TMEM131: variants seen among roughly 807,000 people sequenced by gnomAD.
The protein encoded by TMEM131 is 2610524E03Rik.
In TMEM131, 66 loss-of-function variants were observed where a neutral mutation model predicts 211.6. That is an observed-to-expected ratio of 0.31 (90% confidence interval 0.26 to 0.38). TMEM131 has a LOEUF of 0.38. TMEM131 is among the 10% of genes least tolerant of loss of function. The pLI, the probability that TMEM131 is intolerant of heterozygous loss-of-function variation, is 1.00. For missense variants in TMEM131, 2,036 were observed against 2,299.3 expected (o/e 0.89, Z 2.34); for synonymous variants, 844 against 841.3 (o/e 1.00, Z -0.06).
At chr2:97,941,003 C>A (rs537748834) in intron 1 of TMEM131, among the ~76,000 whole-genome samples, 1 of 152,192 alleles carries the variant, frequency 6.6e-6, no homozygotes, top group African/African-American at 2.4e-5. Flanking sequence ...CAAAAAAGAA[C>A]CCACATTGCC....
At chr2:97,833,224 C>T in intron 11 of TMEM131, 141 bp downstream of exon 11, 1 of 515,114 alleles carries the variant, frequency 1.9e-6, no homozygotes, top group Non-Finnish European at 3.5e-6. Flanking sequence ...AGGTTTCTCA[C>T]ATCACACTTA....
At chr2:97,883,218 A>C (rs1287894521) in intron 4 of TMEM131, among the ~76,000 whole-genome samples, 1 of 152,164 alleles carries the variant, frequency 6.6e-6, no homozygotes, top group African/African-American at 2.4e-5. Flanking sequence ...TCAATGTATG[A>C]ATTTTGGGAG....
intron 31 of TMEM131, among the ~76,000 whole-genome samples, chr2:97,780,232 T>C (rs1338805552): frequency 2.0e-5 from 3 of 152,162 alleles, no homozygotes; most frequent in African/African-American, 4.8e-5. Context: ...CAGAACAGAA[T>C]TGGGGGAATT....
At chr2:97,817,179 GGT>G (rs1681868094) in intron 12 of TMEM131, among the ~76,000 whole-genome samples, 2 of 152,154 alleles carry the variant, frequency 1.3e-5, no homozygotes, top group Admixed American at 1.3e-4. Flanking sequence ...AGATTAAGTG[GGT>G]GGTCAATACA....
chr2:97,807,665 T>C (rs988015458), intron 19 of TMEM131, among the ~76,000 whole-genome samples: 1 of 152,210 alleles, frequency 6.6e-6, no homozygotes, highest in Non-Finnish European at 1.5e-5. Flanking sequence ...CAACATCTTG[T>C]TTTTATACAC....
chr2:97,797,045 T>C, intron 26 of TMEM131, 59 bp from the exon 27 acceptor site: 2 of 1,518,806 alleles, frequency 1.3e-6, no homozygotes, highest in East Asian at 2.3e-5. Context: ...ATCTTTTGAT[T>C]TGCAATTTCT....
intron 31 of TMEM131, among the ~76,000 whole-genome samples, chr2:97,782,979 A>G (rs1363156423): frequency 6.6e-6 from 1 of 151,996 alleles, no homozygotes; most frequent in African/African-American, 2.4e-5. Context: ...AAAAAAAAAA[A>G]AAGAGCAAAC....
chr2:97,792,782 G>T lies in TMEM131; in HGVS notation c.3748C>A (p.Gln1250Lys). Residue 1250 changes from glutamine to lysine, a missense_variant, in exon 31 of 41, where the codon CAA becomes AAA. This residue lies in a region of TMEM131 where 1,623 missense variants were observed against 1,805.9 expected (regional missense o/e 0.90). Transcript: ENST00000186436. ...TTAGCAGACTGTGAAGAAGCTGCTT[G>T]AGCAGAAGTCCTACTAGAGGTACTT... ...SSSTSSRTSA[Q>K]AASSQSANKT... is the part of the protein sequence containing the mutation. 6.2e-7 allele frequency: 1 copy of T among 1,614,018 alleles called. No individual in the cohort carries two copies. The highest frequency in any genetic ancestry group is 1.1e-5 in the South Asian group (1 of 91,072).
chr2:97,908,926 G>A (rs1025612908), intron 2 of TMEM131, among the ~76,000 whole-genome samples: 6 of 152,110 alleles, frequency 3.9e-5, no homozygotes, highest in African/African-American at 9.7e-5. Context: ...GTGCCAAACC[G>A]ACACATCCTG....
intron 4 of TMEM131, among the ~76,000 whole-genome samples, chr2:97,866,983 G>A (rs1329510257): frequency 1.3e-5 from 2 of 152,152 alleles, no homozygotes; most frequent in Non-Finnish European, 2.9e-5. Context: ...CATTTCCTTT[G>A]AGCATCATGT....
At chr2:97,857,849 T>C (rs1169816309) in intron 5 of TMEM131, among the ~76,000 whole-genome samples, 1 of 152,230 alleles carries the variant, frequency 6.6e-6, no homozygotes, top group Non-Finnish European at 1.5e-5. Context: ...ATTAGAATTA[T>C]ATTGTTGGAG....
In TMEM131 at chr2:97,772,407, C is replaced by G; in HGVS notation, c.4338G>C (p.Lys1446Asn). ...PLLKEDTEKQ[K>N]GKQAMPEKHE... is the part of the protein sequence containing the mutation. ...GTTTTTCAGGCATGGCTTGTTTTCC[C>G]TTTTGCTTTTCTGTATCCTGTAAAA... The change falls in exon 33 of 41, where the codon AAG (lysine) becomes AAC (asparagine). Residue 1446 changes from lysine (K) to asparagine (N), a missense_variant. Physicochemically the swap from Lys to Asn is moderately conservative, Grantham distance 94 (BLOSUM62 0). Coordinates refer to ENST00000186436, the MANE Select transcript of TMEM131 (RefSeq NM_015348.2). 6.2e-7 allele frequency: 1 copy of G among 1,611,702 alleles called. No individual in the cohort carries two copies. The highest frequency in any genetic ancestry group is 1.7e-4 in the Middle Eastern group (1 of 6,056).
chr2:97,868,877 T>A (rs1012808534), intron 4 of TMEM131, among the ~76,000 whole-genome samples: 1 of 152,072 alleles, frequency 6.6e-6, no homozygotes, highest in Admixed American at 6.5e-5. Flanking sequence ...GGCTCATCAA[T>A]CCCAGGTGGG....
intron 1 of TMEM131, among the ~76,000 whole-genome samples, chr2:97,981,752 T>A (rs1679809208): frequency 6.6e-6 from 1 of 152,216 alleles, no homozygotes; most frequent in South Asian, 2.1e-4. Context: ...ATCTATTTTG[T>A]CTCTGTGGAT....
At chr2:97,865,001 C>CT (rs971900887) in intron 4 of TMEM131, among the ~76,000 whole-genome samples, 1 of 152,180 alleles carries the variant, frequency 6.6e-6, no homozygotes, top group African/African-American at 2.4e-5. Flanking sequence ...AGGAAGACAC[C>CT]TTTGTCCCAC....
intron 2 of TMEM131, among the ~76,000 whole-genome samples, chr2:97,919,829 CA>C: frequency 6.6e-6 from 1 of 152,294 alleles, no homozygotes; most frequent in Middle Eastern, 3.4e-3. Context: ...CTCAGCCTCC[CA>C]AAGTACTGGG....
chr2:97,929,955 T>C (rs1353086543), intron 1 of TMEM131, among the ~76,000 whole-genome samples: 4 of 151,720 alleles, frequency 2.6e-5, no homozygotes, highest in African/African-American at 4.9e-5. Flanking sequence ...CTAAGTAAAG[T>C]GATAAACTCA....
In TMEM131 at chr2:97,878,960, T is replaced by C. The variant is rs189817243; in HGVS notation, c.359+9092A>G. Among the ~76,000 whole-genome samples the C allele has an allele frequency of 3.8e-3, 578 of 152,324 alleles. 4 individuals are homozygous for C. The highest frequency in any genetic ancestry group is 5.4e-3 in the Non-Finnish European group (368 of 68,018). On this transcript the variant is annotated intron_variant, in intron 4 of 40. Coordinates refer to ENST00000186436, the MANE Select transcript of TMEM131 (RefSeq NM_015348.2). ...CCATGGTCATCCCCTAGAATCTTCA[T>C]TCGGTGAGTACAATAAACTTTTTCA...
chr2:97,993,389 C>T (rs921562273), intron 1 of TMEM131, among the ~76,000 whole-genome samples: 1 of 152,206 alleles, frequency 6.6e-6, no homozygotes, highest in African/African-American at 2.4e-5. Flanking sequence ...AGATGCCAGA[C>T]TCACAGTGTC....
Sources: gnomAD v4.1 joint callset for allele counts (sites outside exome capture counted in the v4.1 genomes callset) on GRCh38, gnomAD v4.1.1 for gene constraint, gnomAD v4.1.1 regional missense constraint, MANE v1.5 for transcripts, NCBI Gene and HGNC (gene_info 2026-07-23, HGNC 2026-07-21) for gene names.